Variants in IL1RAPL2 observed in about 807,000 individuals in gnomAD.
The protein encoded by IL1RAPL2 is interleukin 1 receptor accessory protein like 2.
A neutral mutation model predicts 44.1 loss-of-function variants in IL1RAPL2; 3 were observed. The observed-to-expected ratio is 0.07, with a 90% CI of 0.03 to 0.18. The LOEUF is 0.18. Ranked by LOEUF, IL1RAPL2 falls within the 10% of genes least tolerant of loss-of-function variation. The probability of loss-of-function intolerance (pLI) is 1.00; values close to 1 mark genes in which losing one functional copy is unlikely to be tolerated. For missense variants in IL1RAPL2, 391 were observed against 496.4 expected (o/e 0.79, Z 2.02); for synonymous variants, 181 against 178.8 (o/e 1.01, Z -0.10).
intron 2 of IL1RAPL2, among the ~76,000 whole-genome samples, chrX:105,045,573 G>C (rs532276225): frequency 1.8e-5 from 2 of 111,191 alleles, no homozygotes; most frequent in East Asian, 5.7e-4. Flanking sequence ...TTAAGTGACA[G>C]GTCTCACTCT....
At chrX:105,400,521 G>A (rs1282223097) in intron 5 of IL1RAPL2, among the ~76,000 whole-genome samples, 1 of 111,210 alleles carries the variant, frequency 9.0e-6, no homozygotes, top group East Asian at 2.8e-4. Context: ...CCCAGTACTT[G>A]ATTCACACTG....
chrX:105,549,561 T>A (rs934377682), intron 6 of IL1RAPL2, among the ~76,000 whole-genome samples: 6 of 111,381 alleles, frequency 5.4e-5, no homozygotes, highest in African/African-American at 2.0e-4. Context: ...TCCTATCCAA[T>A]GACTAAGTGT....
intron 7 of IL1RAPL2, among the ~76,000 whole-genome samples, chrX:105,723,847 G>T (rs1241409429): frequency 2.7e-5 from 3 of 111,039 alleles, no homozygotes; most frequent in East Asian, 5.7e-4. Context: ...CTTCTCAAAG[G>T]CCCCACCTCT....
intron 3 of IL1RAPL2, among the ~76,000 whole-genome samples, chrX:105,217,352 CTCA>C (rs1175356558): frequency 8.9e-6 from 1 of 112,017 alleles, no homozygotes; most frequent in Non-Finnish European, 1.9e-5. Flanking sequence ...TGAAAAAATG[CTCA>C]TCATCACTGG....
At position 104,632,077 on chromosome X, in the gene IL1RAPL2, A is replaced by G. The variant is rs1220520500; in HGVS notation, c.-19-26818A>G. Reference sequence around the variant, plus strand: ...CTACATATGGCTAGCCAGTTTTCCCAGCACCATTTATTAAATAGGGGATTG... The same window carrying G: ...CTACATATGGCTAGCCAGTTTTCCCGGCACCATTTATTAAATAGGGGATTG... On this transcript the variant is annotated intron_variant, in intron 1 of 10. Transcript: ENST00000372582. Among the ~76,000 whole-genome samples the G allele has an allele frequency of 2.7e-5, 3 of 111,652 alleles. No individual in the cohort carries two copies. In the East Asian group the frequency reaches 8.4e-4, roughly 31 times the overall value.
chrX:105,034,205 A>T (rs760246535), intron 2 of IL1RAPL2, among the ~76,000 whole-genome samples: 1 of 111,593 alleles, frequency 9.0e-6, no homozygotes, highest in Non-Finnish European at 1.9e-5. Context: ...TGATCATCTG[A>T]AGCCTTCTCC....
At chrX:104,853,191 T>C (rs749454741) in intron 2 of IL1RAPL2, among the ~76,000 whole-genome samples, 43 of 112,251 alleles carry the variant, frequency 3.8e-4, no homozygotes, top group Non-Finnish European at 6.6e-4. Context: ...ATATTCACTC[T>C]TGAAAAGCTT....
intron 1 of IL1RAPL2, among the ~76,000 whole-genome samples, chrX:104,639,006 T>C (rs1168905722): frequency 8.9e-6 from 1 of 112,713 alleles, no homozygotes; most frequent in Non-Finnish European, 1.9e-5. Context: ...TTAGATTTAG[T>C]AATATTTGCT....
At chrX:104,689,490 T>A (rs1349265411) in intron 2 of IL1RAPL2, among the ~76,000 whole-genome samples, 1 of 111,307 alleles carries the variant, frequency 9.0e-6, no homozygotes, top group African/African-American at 3.3e-5. Context: ...GAGCTGCCCC[T>A]AGGTCAGTGT....
intron 6 of IL1RAPL2, among the ~76,000 whole-genome samples, chrX:105,683,404 G>A (rs985142932): frequency 9.0e-6 from 1 of 111,592 alleles, no homozygotes; most frequent in Non-Finnish European, 1.9e-5. Flanking sequence ...ATATCAGGAT[G>A]TCCACAAGGT....
In IL1RAPL2 at chrX:105,143,398, A is replaced by C. The variant is rs1463194722; in HGVS notation, c.83-52077A>C. Among the ~76,000 whole-genome samples, 17 of 112,251 alleles carry C rather than the reference A, an allele frequency of 1.5e-4. No homozygotes were observed. In the East Asian group the frequency reaches 2.3e-3, roughly 15 times the overall value. ...TGCAAATCAAAACTACAATGAGATA[A>C]CATCTCACACCAGTTAGAATGGCGA... On this transcript the variant is annotated intron_variant, in intron 2 of 10. Transcript: ENST00000372582.
chrX:104,638,567 T>C (rs912510394), intron 1 of IL1RAPL2, among the ~76,000 whole-genome samples: 1 of 112,183 alleles, frequency 8.9e-6, no homozygotes, highest in Non-Finnish European at 1.9e-5. Context: ...CCATTTTCAT[T>C]TATTTCAAGA....
chrX:105,371,280 G>A (rs1237790381), intron 5 of IL1RAPL2, among the ~76,000 whole-genome samples: 1 of 111,927 alleles, frequency 8.9e-6, no homozygotes, highest in Non-Finnish European at 1.9e-5. Flanking sequence ...AATTGCTTTT[G>A]ATGTCTTCAT....
At chrX:105,755,479 C>G (rs2038630726) in intron 10 of IL1RAPL2, 132 bp downstream of exon 10, 1 of 418,431 alleles carries the variant, frequency 2.4e-6, no homozygotes, top group South Asian at 6.9e-5. Context: ...CAAATTTTTC[C>G]CATATGCCTG....
chrX:104,993,354 G>A (rs183221461), intron 2 of IL1RAPL2, among the ~76,000 whole-genome samples: 1 of 111,345 alleles, frequency 9.0e-6, no homozygotes, highest in African/African-American at 3.3e-5. Context: ...AGAAATGATA[G>A]CATATTAAGC....
intron 3 of IL1RAPL2, chrX:105,220,131 CCT>C (rs2033939138): frequency 1.7e-6 from 2 of 1,210,233 alleles, no homozygotes; most frequent in Non-Finnish European, 2.2e-6. Context: ...GCCACCGCAC[CCT>C]GTGCCTTTGT....
intron 6 of IL1RAPL2, among the ~76,000 whole-genome samples, chrX:105,500,752 T>C (rs992283627): frequency 1.8e-5 from 2 of 112,120 alleles, no homozygotes; most frequent in Non-Finnish European, 3.8e-5. Context: ...CTGGTTGCCA[T>C]CTACTTCTTC....
chrX:105,473,164 C>T (rs2036176318), intron 5 of IL1RAPL2, among the ~76,000 whole-genome samples: 1 of 111,658 alleles, frequency 9.0e-6, no homozygotes, highest in African/African-American at 3.2e-5. Context: ...CTCTTAGTAG[C>T]CAGAGGTTAG....
chrX:105,074,585 T>C (rs1458854754), intron 2 of IL1RAPL2, among the ~76,000 whole-genome samples: 1 of 107,601 alleles, frequency 9.3e-6, no homozygotes, highest in African/African-American at 3.4e-5. Context: ...AAGAAAGTCA[T>C]TGGTAGCTTG....
Sources: gnomAD v4.1 joint callset for allele counts (sites outside exome capture counted in the v4.1 genomes callset) on GRCh38, gnomAD v4.1.1 for gene constraint, MANE v1.5 for transcripts, NCBI Gene and HGNC (gene_info 2026-07-23, HGNC 2026-07-21) for gene names.